The following TMEM163 variants were observed in gnomAD, a reference collection of about 807,000 sequenced individuals.
TMEM163 encodes transmembrane protein 163.
TMEM163 carries 17 observed loss-of-function variants against 29.3 expected under a neutral mutation model. That is an observed-to-expected ratio of 0.58 (90% CI 0.40 to 0.87). TMEM163 has a LOEUF of 0.87. Among genes scored for constraint, TMEM163 ranks in the 40% least tolerant of loss-of-function variants. The pLI is 0.00. For missense variants in TMEM163, 303 were observed against 381.5 expected (o/e 0.79, Z 1.71); for synonymous variants, 157 against 160.6 (o/e 0.98, Z 0.17).
chr2:134,594,885 T>TTC (rs944592575), intron 2 of TMEM163, among the ~76,000 whole-genome samples: 1 of 147,784 alleles, frequency 6.8e-6, no homozygotes, highest in Admixed American at 6.8e-5. Context: ...CTCTCTCTAC[T>TTC]TCTCTCTCTC....
intron 2 of TMEM163, among the ~76,000 whole-genome samples, chr2:134,603,925 G>C (rs72844130): frequency 0.065 from 9,912 of 151,852 alleles, 452 homozygotes; most frequent in Middle Eastern, 0.17. Context: ...GAGGAAGGAA[G>C]CTTTCTTTCC....
chr2:134,665,658 C>A (rs1207308717), intron 2 of TMEM163, among the ~76,000 whole-genome samples: 3 of 152,168 alleles, frequency 2.0e-5, no homozygotes, highest in African/African-American at 7.2e-5. Context: ...CCACCACCCC[C>A]TTCACTTTAA....
intron 2 of TMEM163, among the ~76,000 whole-genome samples, chr2:134,592,533 C>G (rs1290793382): frequency 1.3e-5 from 2 of 152,104 alleles, no homozygotes; most frequent in African/African-American, 4.8e-5. Context: ...GTTAGGATCT[C>G]TATTTTAATG....
At chr2:134,502,838 A>G in intron 5 of TMEM163, 63 bp downstream of exon 5, 1 of 1,468,856 alleles carries the variant, frequency 6.8e-7, no homozygotes, top group Non-Finnish European at 9.4e-7. Flanking sequence ...ACCCTGCGAT[A>G]AGAGGCAGCC....
intron 2 of TMEM163, among the ~76,000 whole-genome samples, chr2:134,705,833 C>A (rs1684798530): frequency 2.0e-5 from 3 of 152,174 alleles, no homozygotes; most frequent in Admixed American, 1.3e-4. Flanking sequence ...AGAGGAAAAA[C>A]CCTGACAAAT....
At chr2:134,698,324 G>A (rs1189384487) in intron 2 of TMEM163, among the ~76,000 whole-genome samples, 3 of 152,180 alleles carry the variant, frequency 2.0e-5, no homozygotes, top group Non-Finnish European at 4.4e-5. Context: ...AGTTATTCTA[G>A]TAAACTATGC....
At position 134,633,739 on chromosome 2, in the gene TMEM163, A is replaced by T. The variant is rs1233950267; in HGVS notation, c.322+79461T>A. Among the ~76,000 whole-genome samples, 6 of 152,076 alleles carry T rather than the reference A, an allele frequency of 3.9e-5. No homozygotes were observed. The East Asian group carries it at 1.2e-3, about 30-fold the overall frequency. Reference sequence around the variant, plus strand: ...CACTTTGGGAGGCCGAGGCAGGTGGATCACTTGAGGTCAGGAGTTCGAGAC... The same window carrying T: ...CACTTTGGGAGGCCGAGGCAGGTGGTTCACTTGAGGTCAGGAGTTCGAGAC... On this transcript the variant is annotated intron_variant, in intron 2 of 7. Transcript: ENST00000281924.
chr2:134,562,354 A>G lies in TMEM163; in HGVS notation c.323-10263T>C, dbSNP rs995351987. On this transcript the variant is annotated intron_variant, in intron 2 of 7. Coordinates refer to ENST00000281924, the MANE Select transcript of TMEM163 (RefSeq NM_030923.5). The stretch of plus-strand genomic sequence containing the variant: ...CAAAAAATCCTTGTTAAACTGAACA[A>G]GACTGGAAGAATCTCTAACCCCCAA... 1.2e-4 allele frequency among the ~76,000 whole-genome samples: 19 copies of G among 152,370 alleles called. 1 individual carries two copies. Among genetic ancestry groups the G allele is most frequent in the Admixed American group, 4.6e-4 (7 of 15,304 alleles).
At chr2:134,523,391 G>A (rs1338618336) in intron 4 of TMEM163, among the ~76,000 whole-genome samples, 1 of 152,192 alleles carries the variant, frequency 6.6e-6, no homozygotes, top group Non-Finnish European at 1.5e-5. Flanking sequence ...AAGAGCTGAG[G>A]TGCGGTACTC....
chr2:134,482,140 G>A lies in TMEM163; in HGVS notation c.556-15915C>T, dbSNP rs538723449. 3.3e-5 allele frequency among the ~76,000 whole-genome samples: 5 copies of A among 152,152 alleles called. No homozygotes were observed. The East Asian group carries it at 5.8e-4, about 18-fold the overall frequency. On this transcript the variant is annotated intron_variant, in intron 5 of 7. Transcript: ENST00000281924. ...TGTGACATCAAGTTTCTCTGTCCTC[G>A]CCACCACCCCCATTTTCCCATACAG...
In TMEM163 at chr2:134,603,864, C is replaced by T. The variant is rs1309078397; in HGVS notation, c.323-51773G>A. Among the ~76,000 whole-genome samples the T allele has an allele frequency of 9.9e-5, 7 of 70,422 alleles. No individual in the cohort carries two copies. In the East Asian group the frequency reaches 1.9e-3, roughly 19 times the overall value. The allele number at this position is 70,422 out of a possible 152,430, so 46.2% of individuals were successfully genotyped here. The stretch of plus-strand genomic sequence containing the variant: ...GGGAAGGGGAGGGGAGGGGAGGGAA[C>T]AGAAGGGAGGGGAAGGGAGGGGAGG... On this transcript the variant is annotated intron_variant, in intron 2 of 7. Coordinates refer to ENST00000281924, the MANE Select transcript of TMEM163 (RefSeq NM_030923.5).
At chr2:134,479,664 G>C (rs1023441223) in intron 5 of TMEM163, among the ~76,000 whole-genome samples, 3 of 152,128 alleles carry the variant, frequency 2.0e-5, no homozygotes, top group Non-Finnish European at 4.4e-5. Context: ...AGGGCTTAGG[G>C]GGCACCTAAT....
intron 2 of TMEM163, among the ~76,000 whole-genome samples, chr2:134,601,381 G>A (rs1682227969): frequency 1.3e-5 from 2 of 152,178 alleles, no homozygotes; most frequent in Admixed American, 6.5e-5. Flanking sequence ...TCGTGGGATC[G>A]GAACGACATC....
chr2:134,536,051 A>G (rs1217569257), intron 4 of TMEM163, among the ~76,000 whole-genome samples: 1 of 152,084 alleles, frequency 6.6e-6, no homozygotes, highest in African/African-American at 2.4e-5. Context: ...TTGTGTGTGT[A>G]TATATATTTA....
chr2:134,531,224 C>T (rs747278144), intron 4 of TMEM163, among the ~76,000 whole-genome samples: 4 of 152,156 alleles, frequency 2.6e-5, no homozygotes, highest in Non-Finnish European at 4.4e-5. Context: ...CCGACGAAGG[C>T]GAGGTGGTGT....
At chr2:134,508,508 C>T (rs1324777934) in intron 4 of TMEM163, among the ~76,000 whole-genome samples, 1 of 152,156 alleles carries the variant, frequency 6.6e-6, no homozygotes, top group East Asian at 1.9e-4. Flanking sequence ...TGTGTTCTGA[C>T]ATTTCAAACA....
chr2:134,574,126 T>G lies in TMEM163; in HGVS notation c.323-22035A>C, dbSNP rs556914047. On this transcript the variant is annotated intron_variant, in intron 2 of 7. Transcript: ENST00000281924. ...TAGGAATAAGAAAGAAAACTCATAC[T>G]ACCAAACACCGTAGCAGCACATCCT... 2.6e-5 allele frequency among the ~76,000 whole-genome samples: 4 copies of G among 152,360 alleles called. No individual in the cohort carries two copies. The South Asian group carries it at 8.3e-4, about 32-fold the overall frequency.
chr2:134,467,853 T>G (rs1686704703), intron 5 of TMEM163: 1 of 152,278 alleles, frequency 6.6e-6, no homozygotes. Flanking sequence ...CTCTCTGTAC[T>G]ATCTGTAAAA....
intron 2 of TMEM163, among the ~76,000 whole-genome samples, chr2:134,673,806 CA>C (rs1684046146): frequency 6.6e-6 from 1 of 152,228 alleles, no homozygotes; most frequent in African/African-American, 2.4e-5. Flanking sequence ...GTCCTGCCAA[CA>C]CCTTAACTTT....
Sources: gnomAD v4.1 joint callset for allele counts (sites outside exome capture counted in the v4.1 genomes callset) on GRCh38, gnomAD v4.1.1 for gene constraint, MANE v1.5 for transcripts, NCBI Gene and HGNC (gene_info 2026-07-23, HGNC 2026-07-21) for gene names.